Variants in FMN1 observed in about 807,000 individuals in gnomAD.
FMN1 encodes the protein formin-1.
Under a neutral mutation model 132.4 loss-of-function variants are expected in FMN1, and 110 were observed. The ratio of observed to expected loss-of-function variants is 0.83; its 90% CI spans 0.71 to 0.97. FMN1 has a LOEUF of 0.97. FMN1 is among the 50% of genes least tolerant of loss of function. FMN1 has a pLI of 0.00. For missense variants in FMN1, 1,792 were observed against 1,705.3 expected, an observed-to-expected ratio of 1.05 and a Z score of -0.90; for synonymous variants, 722 against 651.7, an observed-to-expected ratio of 1.11 and a Z score of -1.64.
At chr15:33,157,033 C>T (rs1416337410) in intron 3 of FMN1, among the ~76,000 whole-genome samples, 3 of 151,892 alleles carry the variant, frequency 2.0e-5, no homozygotes, top group Non-Finnish European at 2.9e-5. Flanking sequence ...TTTGGGAGGC[C>T]GAGGTGGGCA....
At chr15:32,777,313 AAATTCACG>A (rs1255017947) in intron 19 of FMN1, among the ~76,000 whole-genome samples, 2 of 152,002 alleles carry the variant, frequency 1.3e-5, no homozygotes, top group African/African-American at 4.8e-5. Flanking sequence ...ACAAATACTA[AAATTCACG>A]AATTCACATC....
At chr15:33,018,287 T>C (rs1485201803) in intron 6 of FMN1, among the ~76,000 whole-genome samples, 4 of 152,068 alleles carry the variant, frequency 2.6e-5, no homozygotes, top group Admixed American at 1.3e-4. Context: ...TTTTTTAATC[T>C]TAATGATCGA....
chr15:32,910,874 G>A (rs1328748834), intron 10 of FMN1, among the ~76,000 whole-genome samples: 1 of 152,122 alleles, frequency 6.6e-6, no homozygotes, highest in Non-Finnish European at 1.5e-5. Flanking sequence ...TCTTCCCGAT[G>A]GTAATTGAAG....
At chr15:33,127,217 G>A (rs1000757038) in intron 4 of FMN1, among the ~76,000 whole-genome samples, 3 of 152,100 alleles carry the variant, frequency 2.0e-5, no homozygotes, top group Admixed American at 6.5e-5. Context: ...ATAATCTCAA[G>A]AAAAATCAAC....
At chr15:33,165,402 T>G (rs561417415) in intron 3 of FMN1, among the ~76,000 whole-genome samples, 3 of 152,332 alleles carry the variant, frequency 2.0e-5, no homozygotes, top group South Asian at 4.1e-4. Context: ...TTTTCTTTCT[T>G]TTTTTTGAGA....
chr15:33,081,151 G>A (rs2141323631), intron 5 of FMN1, among the ~76,000 whole-genome samples: 1 of 152,228 alleles, frequency 6.6e-6, no homozygotes, highest in East Asian at 1.9e-4. Context: ...ACTTGAAGTG[G>A]TTCCATTAAG....
chr15:33,103,464 C>G (rs1283291160), intron 4 of FMN1, among the ~76,000 whole-genome samples: 1 of 152,112 alleles, frequency 6.6e-6, no homozygotes, highest in Non-Finnish European at 1.5e-5. Flanking sequence ...AGAATTATTA[C>G]TCTCTGCTCA....
chr15:32,962,338 A>G (rs1023880462), intron 9 of FMN1, among the ~76,000 whole-genome samples: 1 of 152,130 alleles, frequency 6.6e-6, no homozygotes, highest in African/African-American at 2.4e-5. Flanking sequence ...TACAAAGATC[A>G]ATTCAAGATG....
At chr15:33,054,837 T>G (rs1259674158) in intron 6 of FMN1, among the ~76,000 whole-genome samples, 1 of 152,230 alleles carries the variant, frequency 6.6e-6, no homozygotes, top group Non-Finnish European at 1.5e-5. Flanking sequence ...CATAGATCAG[T>G]TCTAGCTACT....
At chr15:32,949,469 A>G (rs2061577692) in intron 9 of FMN1, among the ~76,000 whole-genome samples, 1 of 152,184 alleles carries the variant, frequency 6.6e-6, no homozygotes, top group Non-Finnish European at 1.5e-5. Context: ...TCCCTATTCA[A>G]TAAATGGTCC....
intron 3 of FMN1, among the ~76,000 whole-genome samples, chr15:33,160,510 A>G (rs1595582922): frequency 6.6e-6 from 1 of 152,196 alleles, no homozygotes; most frequent in Non-Finnish European, 1.5e-5. Context: ...CATCACACAT[A>G]TTTTTCATCC....
intron 4 of FMN1, among the ~76,000 whole-genome samples, chr15:33,137,262 C>T (rs1472503260): frequency 2.0e-5 from 3 of 152,090 alleles, no homozygotes; most frequent in Non-Finnish European, 2.9e-5. Flanking sequence ...TCAGCCCATG[C>T]CACCCTTGCC....
chr15:33,127,488 T>G, intron 4 of FMN1, among the ~76,000 whole-genome samples: 1 of 152,236 alleles, frequency 6.6e-6, no homozygotes, highest in East Asian at 1.9e-4. Context: ...TAACTATTAC[T>G]TACTAAATGA....
intron 6 of FMN1, among the ~76,000 whole-genome samples, chr15:33,015,551 T>C (rs12592701): frequency 0.35 from 53,245 of 152,120 alleles, 10,643 homozygotes; most frequent in East Asian, 0.71. Context: ...AACTGGATTA[T>C]GTACAGTTAG....
chr15:33,076,143 T>C (rs1019571243), intron 5 of FMN1, among the ~76,000 whole-genome samples: 79 of 152,288 alleles, frequency 5.2e-4, no homozygotes, highest in Non-Finnish European at 2.8e-4. Context: ...TAGCAGTCTT[T>C]AAAGTACAGA....
In FMN1 at chr15:32,975,633, AT is replaced by A. The variant is rs140250536; in HGVS notation, c.2224-6157del. On this transcript the variant is annotated intron_variant, in intron 7 of 20. Coordinates refer to ENST00000616417, the MANE Select transcript of FMN1 (RefSeq NM_001277313.2). ...ACTAGAAAACTCATAAAACATCCAA[AT>A]TTTTTTTTTAATGAAGGTATTTCTA... Among the ~76,000 whole-genome samples, 267 of 150,034 alleles carry A rather than the reference AT, an allele frequency of 1.8e-3. 1 individual carries two copies. Among genetic ancestry groups the A allele is most frequent in the African/African-American group, 5.9e-3 (244 of 41,026 alleles).
intron 7 of FMN1, among the ~76,000 whole-genome samples, chr15:32,970,989 T>C (rs2031739900): frequency 6.6e-6 from 1 of 152,168 alleles, no homozygotes; most frequent in African/African-American, 2.4e-5. Flanking sequence ...ACCGTCTATT[T>C]CTCGTGCAGT....
At chr15:33,060,340 GTT>G (rs1169576777) in intron 6 of FMN1, among the ~76,000 whole-genome samples, 1 of 152,308 alleles carries the variant, frequency 6.6e-6, no homozygotes, top group East Asian at 1.9e-4. Context: ...AGTACAAGGT[GTT>G]TATAACTCTC....
intron 4 of FMN1, among the ~76,000 whole-genome samples, chr15:33,115,243 G>A (rs1017721973): frequency 6.6e-6 from 1 of 152,160 alleles, no homozygotes; most frequent in African/African-American, 2.4e-5. Flanking sequence ...GCCTAAGGCT[G>A]TCCTATAAGG....
Sources: allele counts gnomAD v4.1 joint callset (sites outside exome capture counted in the v4.1 genomes callset), GRCh38; gene constraint gnomAD v4.1.1; transcripts MANE v1.5; gene names NCBI Gene and HGNC (gene_info 2026-07-23, HGNC 2026-07-21).